Variants in IGLL5 observed in about 807,000 individuals in gnomAD.
IGLL5 encodes the protein immunoglobulin lambda-like polypeptide 5.
In IGLL5, 30 loss-of-function variants were observed where a neutral mutation model predicts 20.9. The ratio of observed to expected loss-of-function variants is 1.44; its 90% CI spans 1.07 to 1.95. The LOEUF is 1.95. Ranked by LOEUF, IGLL5 falls within the 30% of genes most tolerant of loss-of-function variation. The pLI is 0.00. For synonymous variants in IGLL5, 203 were observed against 117.3 expected, an observed-to-expected ratio of 1.73 and a Z score of -4.72; for missense variants, 475 against 270.7, an observed-to-expected ratio of 1.75 and a Z score of -5.30.
chr22:22,893,635 C>T lies in IGLL5; in HGVS notation c.207-65C>T, dbSNP rs998071080. On this transcript the variant is annotated intron_variant, in intron 1 of 2. Transcript: ENST00000526893. Reference sequence around the variant, plus strand: ...GGGACACCTCTAGGGGGCTGGCCACCCCCCTGCCTCATGTCTAGGTCCCAG... The same window carrying T: ...GGGACACCTCTAGGGGGCTGGCCACTCCCCTGCCTCATGTCTAGGTCCCAG... 4.0e-6 allele frequency: 4 copies of T among 990,968 alleles called. No homozygotes were observed. The Admixed American group carries it at 8.5e-5, about 21-fold the overall frequency. The allele number at this position is 990,968 out of a possible 1,614,324, so 61.4% of individuals were successfully genotyped here. A position where few individuals can be genotyped will look rare whatever the true frequency, so the allele number is the denominator to read the frequency against.
chr22:22,888,439 G>C (rs117426305), intron 1 of IGLL5, among the ~76,000 whole-genome samples, 180 bp downstream of exon 1: 6 of 151,380 alleles, frequency 4.0e-5, no homozygotes, highest in South Asian at 2.1e-4. Flanking sequence ...TTGAATTACT[G>C]TTTTTAATAT....
Position 22,895,836 on chromosome 22 carries a change from C to G in IGLL5, c.*142C>G. 1.2e-6 allele frequency: 1 copy of G among 815,682 alleles called. No homozygotes were observed. The highest frequency in any genetic ancestry group is 1.6e-5 in the South Asian group (1 of 63,676). 50.5% of individuals were successfully genotyped at this position (815,682 alleles called of 1,614,324 possible). On this transcript the variant is annotated 3_prime_UTR_variant, in exon 3 of 3. Coordinates refer to ENST00000526893, the MANE Select transcript of IGLL5 (RefSeq NM_001178126.2). ...AATATCCTCATTGACAACCAGAAAT[C>G]TTGTTTTATCTCATTTTTTTTCTCA...
In IGLL5 at chr22:22,895,565, C is replaced by A; in HGVS notation, c.516C>A (p.Asn172Lys). Reference sequence around the variant, plus strand: ...CCAAACCCTCCAAACAGAGCAACAACAAGTACGCGGCCAGCAGCTACCTGA... The same window carrying A: ...CCAAACCCTCCAAACAGAGCAACAAAAAGTACGCGGCCAGCAGCTACCTGA... ...ETTKPSKQSN[N>K]KYAASSYLSL... is the part of the protein sequence containing the mutation. The change falls in exon 3 of 3, where the codon AAC (asparagine) becomes AAA (lysine). Residue 172 changes from asparagine (N) to lysine (K), a missense_variant. Coordinates refer to ENST00000526893, the MANE Select transcript of IGLL5 (RefSeq NM_001178126.2). 6.2e-7 allele frequency: 1 copy of A among 1,613,170 alleles called. No homozygotes were observed. Among genetic ancestry groups the A allele is most frequent in the Non-Finnish European group, 8.5e-7 (1 of 1,179,762 alleles).
intron 1 of IGLL5, 146 bp downstream of exon 1, chr22:22,888,405 A>G (rs2067592905): frequency 1.8e-5 from 12 of 650,192 alleles, no homozygotes; most frequent in Middle Eastern, 4.3e-4. Flanking sequence ...TAATGGGTTG[A>G]TATTTTGTCC....
intron 1 of IGLL5, among the ~76,000 whole-genome samples, chr22:22,890,873 T>C (rs2146011409): frequency 1.3e-5 from 2 of 151,322 alleles, no homozygotes; most frequent in South Asian, 2.1e-4. Flanking sequence ...TTATTTTTTA[T>C]ATTTTTATTT....
intron 1 of IGLL5, among the ~76,000 whole-genome samples, chr22:22,889,628 C>A (rs145328034): frequency 6.6e-6 from 1 of 151,346 alleles, no homozygotes; most frequent in Non-Finnish European, 1.5e-5. Flanking sequence ...TGATCTGTTG[C>A]TCAGGCTGGA....
rs769316657 is a variant in IGLL5, at chr22:22,895,659, G to A, written c.610G>A (p.Val204Met). 25 of 1,613,166 alleles carry A rather than the reference G, an allele frequency of 1.5e-5. No homozygotes were observed. In the African/African-American group the frequency reaches 1.6e-4, roughly 10 times the overall value. The change falls in exon 3 of 3, where the codon GTG (valine) becomes ATG (methionine). Residue 204 changes from valine (V) to methionine (M), a missense_variant. Coordinates refer to ENST00000526893, the MANE Select transcript of IGLL5 (RefSeq NM_001178126.2). ...CCAGGTCACGCATGAAGGGAGCACC[G>A]TGGAGAAGACAGTGGCCCCTACAGA... is the stretch of plus-strand genomic sequence containing the variant. ...SCQVTHEGST[V>M]EKTVAPTECS
At chr22:22,890,497 G>C (rs1286865230) in intron 1 of IGLL5, among the ~76,000 whole-genome samples, 1 of 146,054 alleles carries the variant, frequency 6.8e-6, no homozygotes, top group Non-Finnish European at 1.5e-5. Context: ...GTTTAGATGA[G>C]CCAGAATTTA....
chr22:22,889,574 A>C (rs568090385), intron 1 of IGLL5, among the ~76,000 whole-genome samples: 4 of 151,206 alleles, frequency 2.6e-5, no homozygotes, highest in East Asian at 2.0e-4. Context: ...AAAAAACACA[A>C]TTGTATTTGG....
In IGLL5 at chr22:22,894,827, C is replaced by A. The variant is rs535302780; in HGVS notation, c.326-548C>A. Among the ~76,000 whole-genome samples the A allele has an allele frequency of 2.0e-5, 3 of 151,398 alleles. 1 individual carries two copies. Among genetic ancestry groups the A allele is most frequent in the African/African-American group, 7.3e-5 (3 of 41,338 alleles). ...TGTCTAGGTGGAGCCCACTCCTTGC[C>A]AGGAGAGCCAAGTGGGCTGGGCTGG... On this transcript the variant is annotated intron_variant, in intron 2 of 2. Coordinates refer to ENST00000526893, the MANE Select transcript of IGLL5 (RefSeq NM_001178126.2).
intron 2 of IGLL5, among the ~76,000 whole-genome samples, chr22:22,894,106 G>C (rs567579274): frequency 2.0e-5 from 3 of 151,432 alleles, no homozygotes; most frequent in East Asian, 2.0e-4. Context: ...AGGGACAGAG[G>C]CTGGTTCTGA....
chr22:22,889,210 A>G (rs2067697163), intron 1 of IGLL5, among the ~76,000 whole-genome samples: 2 of 151,076 alleles, frequency 1.3e-5, no homozygotes, highest in Admixed American at 6.6e-5. Context: ...TCCTGGAGGA[A>G]GCCGTGCCTT....
intron 1 of IGLL5, 51 bp downstream of exon 1, chr22:22,888,310 G>C (rs181297529): frequency 3.3e-6 from 5 of 1,522,166 alleles, no homozygotes; most frequent in Admixed American, 2.0e-5. Flanking sequence ...GCAGAGCTGG[G>C]AAAGGGTGAC....
intron 2 of IGLL5, among the ~76,000 whole-genome samples, chr22:22,894,145 A>T (rs2067988523): frequency 3.3e-5 from 5 of 151,416 alleles, no homozygotes; most frequent in South Asian, 2.1e-4. Flanking sequence ...CCTTAGGGAC[A>T]TTGCCCAGTG....
At chr22:22,889,831 A>T (rs2067756943) in intron 1 of IGLL5, among the ~76,000 whole-genome samples, 1 of 151,404 alleles carries the variant, frequency 6.6e-6, no homozygotes, top group Non-Finnish European at 1.5e-5. Context: ...TCCTAAGCTC[A>T]AGCAATCTTT....
chr22:22,895,392 C>A lies in IGLL5; in HGVS notation c.343C>A (p.Pro115Thr). 6.2e-7 allele frequency: 1 copy of A among 1,612,884 alleles called. No individual in the cohort carries two copies. Among genetic ancestry groups the A allele is most frequent in the Non-Finnish European group, 8.5e-7 (1 of 1,179,532 alleles). Residue 115 changes from proline to threonine, a missense_variant, in exon 3 of 3, where the codon CCC becomes ACC. By Grantham distance (38) the Pro-to-Thr change is conservative (BLOSUM62 -1). Coordinates refer to ENST00000526893, the MANE Select transcript of IGLL5 (RefSeq NM_001178126.2). ...CCACACAGGTCAGCCCAAGGCCAAC[C>A]CCACTGTCACTCTGTTCCCGCCCTC... The part of the protein sequence containing the change: ...VTVLGQPKAN[P>T]TVTLFPPSSE...
chr22:22,887,919 C>A lies in IGLL5; in HGVS notation c.-135C>A. ...CTGGGCTAGGGACAGGGACCAGAGC[C>A]AGTCCAGGGAGAGGACAGAGCCAAT... On this transcript the variant is annotated 5_prime_UTR_variant, in exon 1 of 3. Transcript: ENST00000526893. 1.3e-6 allele frequency: 1 copy of A among 758,014 alleles called. No homozygotes were observed. Among genetic ancestry groups the A allele is most frequent in the Non-Finnish European group, 2.3e-6 (1 of 431,818 alleles). The allele number at this position is 758,014 out of a possible 1,614,324, so 47.0% of individuals were successfully genotyped here. A position where few individuals can be genotyped will look rare whatever the true frequency, so the allele number is the denominator to read the frequency against.
intron 1 of IGLL5, among the ~76,000 whole-genome samples, chr22:22,889,212 C>T (rs187758396): frequency 1.3e-5 from 2 of 151,070 alleles, no homozygotes; most frequent in East Asian, 2.0e-4. Flanking sequence ...CTGGAGGAAG[C>T]CGTGCCTTGG....
intron 1 of IGLL5, among the ~76,000 whole-genome samples, chr22:22,889,491 GGGT>G (rs2067725621): frequency 6.6e-6 from 1 of 151,324 alleles, no homozygotes; most frequent in Non-Finnish European, 1.5e-5. Flanking sequence ...TTTATAACAA[GGGT>G]GGTTAGCTCA....
Sources: allele counts gnomAD v4.1 joint callset (sites outside exome capture counted in the v4.1 genomes callset), GRCh38; gene constraint gnomAD v4.1.1; transcripts MANE v1.5; gene names NCBI Gene and HGNC (gene_info 2026-07-23, HGNC 2026-07-21).